FKBP1A: variants seen among roughly 807,000 people sequenced by gnomAD.
FKBP1A encodes the protein peptidyl-prolyl cis-trans isomerase FKBP1A.
FKBP1A carries 5 observed loss-of-function variants against 14.2 expected under a neutral mutation model. The ratio of observed to expected loss-of-function variants is 0.35; its 90% CI spans 0.18 to 0.74. The LOEUF (loss-of-function observed/expected upper bound fraction) is 0.74. Among genes scored for constraint, FKBP1A ranks in the 30% least tolerant of loss-of-function variants. The pLI is 0.56. For synonymous variants in FKBP1A, 42 were observed against 49.1 expected (o/e 0.86, Z 0.60); for missense variants, 53 against 138.8 (o/e 0.38, Z 3.10).
intron 2 of FKBP1A, among the ~76,000 whole-genome samples, chr20:1,380,512 G>C (rs1169947262): frequency 3.9e-5 from 6 of 152,118 alleles, no homozygotes; most frequent in Admixed American, 3.9e-4. Flanking sequence ...CAAAGCACTG[G>C]GCAGAATACT....
intron 2 of FKBP1A, chr20:1,391,772 G>C: frequency 2.6e-6 from 1 of 391,808 alleles, no homozygotes; most frequent in Non-Finnish European, 4.5e-6. Flanking sequence ...AAAAAAGAGG[G>C]AGGAGGAGGG....
chr20:1,392,816 G>A lies in FKBP1A; in HGVS notation c.85+18C>T, dbSNP rs578211131. ...GGACTGCGGCCCGGGCCCCCTCCCC[G>A]CTGGGCCCCCGACTCACCGGTGTAG... On this transcript the variant is annotated intron_variant, in intron 2 of 4. Coordinates refer to ENST00000400137, the MANE Select transcript of FKBP1A (RefSeq NM_000801.5). 3.4e-6 allele frequency: 5 copies of A among 1,484,708 alleles called. No homozygotes were observed. In the East Asian group the frequency reaches 8.8e-5, roughly 26 times the overall value. 92.0% of individuals were successfully genotyped at this position (1,484,708 alleles called of 1,614,324 possible).
chr20:1,373,350 A>G (rs1441963118), intron 3 of FKBP1A, among the ~76,000 whole-genome samples: 1 of 152,228 alleles, frequency 6.6e-6, no homozygotes. Flanking sequence ...CTTTAAATGT[A>G]TTAACATGAA....
intron 4 of FKBP1A, 147 bp from the exon 5 acceptor site, chr20:1,370,219 A>G: frequency 2.1e-6 from 3 of 1,412,342 alleles, no homozygotes; most frequent in South Asian, 3.1e-5. Flanking sequence ...CCAGCTGGAG[A>G]CAGCCAGAAA....
At chr20:1,390,056 AGTGACATCAAG>A (rs886076631) in intron 2 of FKBP1A, among the ~76,000 whole-genome samples, 2 of 152,154 alleles carry the variant, frequency 1.3e-5, no homozygotes, top group African/African-American at 4.8e-5. Flanking sequence ...GACCCTTGAG[AGTGACATCAAG>A]GTGACTGACA....
At chr20:1,371,715 GTCAT>G (rs760850676) in intron 4 of FKBP1A, 1 of 999,188 alleles carries the variant, frequency 1.0e-6, no homozygotes, top group Non-Finnish European at 1.2e-6. Context: ...GTAGAACAAA[GTCAT>G]TCATTAAGAG....
Position 1,369,534 on chromosome 20 carries a change from T to TC in FKBP1A, c.*574dup, listed in dbSNP as rs1170680104. 1 of 167,536 alleles carries TC rather than the reference T, an allele frequency of 6.0e-6. No individual in the cohort carries two copies. Among genetic ancestry groups the TC allele is most frequent in the East Asian group, 1.9e-4 (1 of 5,212 alleles). 10.4% of individuals were successfully genotyped at this position (167,536 alleles called of 1,614,324 possible). A position where few individuals can be genotyped will look rare whatever the true frequency, so the allele number is the denominator to read the frequency against. On this transcript the variant is annotated 3_prime_UTR_variant, in exon 5 of 5. Coordinates refer to ENST00000400137, the MANE Select transcript of FKBP1A (RefSeq NM_000801.5). ...GTGGGAATGGTGGAGGCAAAGGCTC[T>TC]CCCCATCCCCACCTCAGTTTTAGGT...
intron 2 of FKBP1A, chr20:1,378,090 A>G (rs1399074680): frequency 7.1e-6 from 1 of 141,472 alleles, no homozygotes; most frequent in Non-Finnish European, 1.6e-5. Context: ...GTCTACTGGG[A>G]TCTTCCAGGA....
At chr20:1,377,044 A>G (rs2089554386) in intron 2 of FKBP1A, 1 of 152,328 alleles carries the variant, frequency 6.6e-6, no homozygotes, top group South Asian at 2.1e-4. Flanking sequence ...TATAATGGAC[A>G]CAAAACTGAT....
chr20:1,388,740 C>T (rs1400239981), intron 2 of FKBP1A, among the ~76,000 whole-genome samples: 3 of 113,980 alleles, frequency 2.6e-5, no homozygotes, highest in East Asian at 6.1e-4. Context: ...CCAGAAGGAG[C>T]GTGGGTTGGG....
chr20:1,390,500 A>C (rs1266187770), intron 2 of FKBP1A, among the ~76,000 whole-genome samples: 1 of 152,028 alleles, frequency 6.6e-6, no homozygotes. Flanking sequence ...ACAACCAAAA[A>C]ACAGAGATGA....
chr20:1,370,412 G>A (rs1363877126), intron 4 of FKBP1A: 1 of 981,824 alleles, frequency 1.0e-6, no homozygotes, highest in African/African-American at 1.8e-5. Context: ...CATCACCTGG[G>A]GGCTTTAAAA....
chr20:1,385,920 T>C (rs968024480), intron 2 of FKBP1A, among the ~76,000 whole-genome samples: 1 of 152,262 alleles, frequency 6.6e-6, no homozygotes, highest in Non-Finnish European at 1.5e-5. Context: ...TGCCAATCTA[T>C]CTAAAACCTC....
chr20:1,381,650 A>C (rs2089617379), intron 2 of FKBP1A, among the ~76,000 whole-genome samples: 1 of 152,250 alleles, frequency 6.6e-6, no homozygotes, highest in African/African-American at 2.4e-5. Flanking sequence ...TTTATTAGCG[A>C]TAGTCAAAAA....
intron 4 of FKBP1A, chr20:1,370,351 G>A (rs1206838558): frequency 3.0e-6 from 3 of 985,316 alleles, no homozygotes; most frequent in Non-Finnish European, 3.6e-6. Context: ...CCATGCTGCT[G>A]ACAATACAGT....
rs1326650555 is a variant in FKBP1A, at chr20:1,379,369, G to A, written c.86-3766C>T. Among the ~76,000 whole-genome samples, 2 of 152,190 alleles carry A rather than the reference G, an allele frequency of 1.3e-5. No homozygotes were observed. Among genetic ancestry groups the A allele is most frequent in the African/African-American group, 2.4e-5 (1 of 41,446 alleles). Reference sequence around the variant, plus strand: ...GCCTGAATCTGCTGCTGCTGCTGCTGCTGAGCCAGCATGGAGATGTGTATG... The same window carrying A: ...GCCTGAATCTGCTGCTGCTGCTGCTACTGAGCCAGCATGGAGATGTGTATG... On this transcript the variant is annotated intron_variant, in intron 2 of 4. Transcript: ENST00000400137. The surrounding 1 kb of genome is among the most constrained non-coding windows in gnomAD (Gnocchi z 4.3).
At chr20:1,392,916 C>T in intron 1 of FKBP1A, 35 bp from the exon 2 acceptor site, 2 of 1,367,052 alleles carry the variant, frequency 1.5e-6, no homozygotes, top group Admixed American at 2.2e-5. Context: ...TGAGCCGATG[C>T]GCGCGGCGGC....
chr20:1,380,839 A>G (rs895732879), intron 2 of FKBP1A, among the ~76,000 whole-genome samples: 7 of 152,220 alleles, frequency 4.6e-5, no homozygotes, highest in Non-Finnish European at 8.8e-5. Context: ...GAGGAGAACC[A>G]TAAGACTCCA....
At chr20:1,385,615 C>T (rs931623593) in intron 2 of FKBP1A, among the ~76,000 whole-genome samples, 46 of 152,232 alleles carry the variant, frequency 3.0e-4, no homozygotes, top group African/African-American at 1.1e-3. Context: ...ACTCCTGTGA[C>T]TCCCCCATCT....
Sources: allele counts gnomAD v4.1 joint callset (sites outside exome capture counted in the v4.1 genomes callset), GRCh38; gene constraint gnomAD v4.1.1; non-coding constraint Gnocchi (gnomAD v3.1); transcripts MANE v1.5; gene names NCBI Gene and HGNC (gene_info 2026-07-23, HGNC 2026-07-21).